Variants in COL10A1 observed in about 807,000 individuals in gnomAD.
COL10A1 encodes the protein collagen type X alpha 1 chain.
A neutral mutation model predicts 18.2 loss-of-function variants in COL10A1; 10 were observed. The ratio of observed to expected loss-of-function variants is 0.55; its 90% confidence interval spans 0.34 to 0.93. The LOEUF (loss-of-function observed/expected upper bound fraction) is 0.93, where lower values mean the gene tolerates loss of function less well. Among genes scored for constraint, COL10A1 ranks in the 40% least tolerant of loss-of-function variants. The pLI, the probability that COL10A1 is intolerant of heterozygous loss-of-function variation, is 0.02. For synonymous variants in COL10A1, 330 were observed against 316.6 expected, an observed-to-expected ratio of 1.04 and a Z score of -0.45; for missense variants, 897 against 853.5, an observed-to-expected ratio of 1.05 and a Z score of -0.64.
At chr6:116,205,644 G>A in the COL10A1 span, among the ~76,000 whole-genome samples, 1 of 151,894 alleles carries the variant, frequency 6.6e-6, no homozygotes, top group Admixed American at 6.6e-5. Context: ...ATTTCTTTAA[G>A]AATAAACCAG....
upstream of COL10A1, among the ~76,000 whole-genome samples, chr6:116,163,273 C>T (rs2114433059): frequency 6.7e-6 from 1 of 148,950 alleles, no homozygotes; most frequent in Non-Finnish European, 1.5e-5. Flanking sequence ...GTTGGTAGAT[C>T]TTTTATTACT....
At chr6:116,192,919 G>A in the COL10A1 span, among the ~76,000 whole-genome samples, 7 of 152,014 alleles carry the variant, frequency 4.6e-5, no homozygotes, top group African/African-American at 1.4e-4. Context: ...GTCCTGACTG[G>A]TCTCTGGTTT....
upstream of COL10A1, among the ~76,000 whole-genome samples, chr6:116,126,437 T>A (rs957557072): frequency 1.3e-5 from 2 of 152,214 alleles, no homozygotes; most frequent in Non-Finnish European, 2.9e-5. Flanking sequence ...ACCCCCTTTT[T>A]ATTTTTGAAA....
chr6:116,159,461 C>T (rs1354481911), upstream of COL10A1, among the ~76,000 whole-genome samples: 4 of 152,114 alleles, frequency 2.6e-5, no homozygotes, highest in Admixed American at 2.6e-4. Context: ...GTATACCATG[C>T]ATTATAGAAT....
the COL10A1 span, among the ~76,000 whole-genome samples, chr6:116,199,139 A>T: frequency 6.6e-6 from 1 of 152,052 alleles, no homozygotes; most frequent in Non-Finnish European, 1.5e-5. Flanking sequence ...AATCACCCTC[A>T]GTCAAAAGCC....
At position 116,144,575 on chromosome 6, in the gene COL10A1, T is replaced by C. The variant is rs539259341; in HGVS notation, c.-16+14039A>G. On this transcript the variant is annotated intron_variant, in intron 1 of 1. Coordinates refer to the COL10A1 transcript ENST00000418500. The stretch of plus-strand genomic sequence containing the variant: ...CTGGTTTTCTATATTACTTTAAATA[T>C]ATGACTCTAAGTTTAGAATTCAAAT... Among the ~76,000 whole-genome samples the C allele has an allele frequency of 8.5e-5, 13 of 152,302 alleles. No individual in the cohort carries two copies. In the East Asian group the frequency reaches 2.5e-3, roughly 29 times the overall value.
upstream of COL10A1, among the ~76,000 whole-genome samples, chr6:116,128,505 A>G (rs1214764079): frequency 6.6e-6 from 1 of 152,198 alleles, no homozygotes; most frequent in East Asian, 1.9e-4. Flanking sequence ...AATATCAAAT[A>G]TGAATAATGA....
At chr6:116,172,896 C>T in the COL10A1 span, among the ~76,000 whole-genome samples, 4 of 152,024 alleles carry the variant, frequency 2.6e-5, no homozygotes, top group Non-Finnish European at 5.9e-5. Flanking sequence ...TTTCAGGATT[C>T]TTTTTGCAGG....
At chr6:116,155,603 A>G (rs1267756044) in intron 1 of COL10A1, among the ~76,000 whole-genome samples, 4 of 152,178 alleles carry the variant, frequency 2.6e-5, no homozygotes, top group Non-Finnish European at 5.9e-5. Flanking sequence ...AGTATTCTGC[A>G]GGTCAATGAA....
the COL10A1 span, among the ~76,000 whole-genome samples, chr6:116,200,741 T>C: frequency 6.6e-6 from 1 of 151,978 alleles, no homozygotes; most frequent in Admixed American, 6.6e-5. Flanking sequence ...CTTCATCTCT[T>C]CTCCCACTAG....
chr6:116,203,158 A>G, the COL10A1 span, among the ~76,000 whole-genome samples: 1 of 152,004 alleles, frequency 6.6e-6, no homozygotes, highest in Non-Finnish European at 1.5e-5. Context: ...TTGCTTTTCT[A>G]TACTAAACAG....
chr6:116,162,915 C>G (rs1780368583), upstream of COL10A1, among the ~76,000 whole-genome samples: 1 of 151,826 alleles, frequency 6.6e-6, no homozygotes, highest in Admixed American at 6.6e-5. Context: ...ATCACGAGGT[C>G]AGGAGATCGA....
At chr6:116,124,355 A>G (rs1033745036) in intron 2 of COL10A1, among the ~76,000 whole-genome samples, 20 of 152,184 alleles carry the variant, frequency 1.3e-4, no homozygotes, top group Non-Finnish European at 2.8e-4. Flanking sequence ...GATATTTTAT[A>G]GGCGGTCGTG....
At chr6:116,199,744 T>C in the COL10A1 span, among the ~76,000 whole-genome samples, 4 of 152,012 alleles carry the variant, frequency 2.6e-5, no homozygotes, top group African/African-American at 9.7e-5. Context: ...TGGCTAATGC[T>C]GGAACAATTT....
At chr6:116,179,205 G>A in the COL10A1 span, among the ~76,000 whole-genome samples, 1 of 152,030 alleles carries the variant, frequency 6.6e-6, no homozygotes, top group African/African-American at 2.4e-5. Context: ...ATAACATATA[G>A]TAGATATTCT....
upstream of COL10A1, among the ~76,000 whole-genome samples, chr6:116,162,239 T>C (rs1000784869): frequency 2.0e-5 from 3 of 152,210 alleles, no homozygotes; most frequent in African/African-American, 7.2e-5. Context: ...TAATTTGACT[T>C]CCACTTTTCC....
chr6:116,203,920 A>G, the COL10A1 span, among the ~76,000 whole-genome samples: 1 of 151,918 alleles, frequency 6.6e-6, no homozygotes, highest in Non-Finnish European at 1.5e-5. Context: ...TATTATCATA[A>G]TTTACCTTTT....
chr6:116,168,305 G>A, the COL10A1 span, among the ~76,000 whole-genome samples: 4 of 151,420 alleles, frequency 2.6e-5, no homozygotes, highest in Admixed American at 2.0e-4. Flanking sequence ...TCTGCCTTTT[G>A]TTCTGTTTTC....
At chr6:116,206,477 A>G in the COL10A1 span, among the ~76,000 whole-genome samples, 3 of 151,970 alleles carry the variant, frequency 2.0e-5, no homozygotes, top group Admixed American at 6.6e-5. Context: ...ATTTGGGTCC[A>G]TACCACCCAG....
Sources: gnomAD v4.1 joint callset for allele counts (sites outside exome capture counted in the v4.1 genomes callset) on GRCh38, gnomAD v4.1.1 for gene constraint, MANE v1.5 for transcripts, NCBI Gene and HGNC (gene_info 2026-07-23, HGNC 2026-07-21) for gene names.